The following PRRX2 variants were observed in gnomAD, a reference collection of about 807,000 sequenced individuals.
PRRX2 encodes paired related homeobox 2, also known as paired mesoderm homeobox protein 2.
Under a neutral mutation model 18.0 loss-of-function variants are expected in PRRX2, and 11 were observed. The observed-to-expected ratio is 0.61, with a 90% confidence interval of 0.39 to 1.01. The LOEUF (loss-of-function observed/expected upper bound fraction) is 1.01. Ranked by LOEUF, PRRX2 falls within the 50% of genes least tolerant of loss-of-function variation. PRRX2 has a pLI of 0.01. For synonymous variants in PRRX2, 177 were observed against 154.8 expected (o/e 1.14, Z -1.06); for missense variants, 387 against 351.0 (o/e 1.10, Z -0.82).
intron 1 of PRRX2, among the ~76,000 whole-genome samples, chr9:129,689,559 G>T (rs1369701993): frequency 6.6e-6 from 1 of 152,100 alleles, no homozygotes; most frequent in East Asian, 1.9e-4. Flanking sequence ...TGGCCATAGG[G>T]CTGGGCCTCA....
chr9:129,666,380 G>T (rs1003690395), intron 1 of PRRX2, among the ~76,000 whole-genome samples: 3 of 152,140 alleles, frequency 2.0e-5, no homozygotes, highest in African/African-American at 7.2e-5. Context: ...CCAGTATTCG[G>T]CTCCCGAACA....
At chr9:129,674,615 C>T (rs7858956) in intron 1 of PRRX2, among the ~76,000 whole-genome samples, 41,094 of 151,892 alleles carry the variant, frequency 0.27, 5,803 homozygotes, top group East Asian at 0.41. Flanking sequence ...GACCCCCCCG[C>T]CCCCAGAGCT....
chr9:129,683,510 C>T (rs1202826263), intron 1 of PRRX2, among the ~76,000 whole-genome samples: 5 of 152,006 alleles, frequency 3.3e-5, no homozygotes, highest in African/African-American at 9.7e-5. Flanking sequence ...CCGAGGTGGG[C>T]GGATCACGAG....
intron 1 of PRRX2, among the ~76,000 whole-genome samples, chr9:129,696,019 G>A (rs1355355758): frequency 3.3e-5 from 5 of 151,988 alleles, no homozygotes; most frequent in African/African-American, 1.2e-4. Flanking sequence ...CAAATTACTT[G>A]GAATTTGCAA....
intron 1 of PRRX2, among the ~76,000 whole-genome samples, chr9:129,693,346 C>T (rs1699859954): frequency 6.6e-6 from 1 of 152,168 alleles, no homozygotes; most frequent in African/African-American, 2.4e-5. Flanking sequence ...GTAATCTTAG[C>T]ACTTTGGGAG....
At chr9:129,696,919 A>G (rs1406178545) in intron 1 of PRRX2, among the ~76,000 whole-genome samples, 1 of 152,182 alleles carries the variant, frequency 6.6e-6, no homozygotes, top group Non-Finnish European at 1.5e-5. Flanking sequence ...CCCTGGGGCC[A>G]GAGTCCGATA....
intron 1 of PRRX2, among the ~76,000 whole-genome samples, chr9:129,702,433 ATG>A (rs1176704538): frequency 1.3e-5 from 2 of 152,056 alleles, no homozygotes; most frequent in East Asian, 3.9e-4. Context: ...ACTCTCTGTG[ATG>A]ATGAAAATGT....
chr9:129,667,768 G>A (rs940170425), intron 1 of PRRX2, among the ~76,000 whole-genome samples: 6 of 152,160 alleles, frequency 3.9e-5, no homozygotes, highest in Admixed American at 2.0e-4. Context: ...GGGTTTCCCC[G>A]GGGATCCCAG....
chr9:129,697,566 G>C (rs1487517421), intron 1 of PRRX2, among the ~76,000 whole-genome samples: 1 of 151,144 alleles, frequency 6.6e-6, no homozygotes, highest in Non-Finnish European at 1.5e-5. Context: ...GCACATGGCC[G>C]GGCTGGGCGG....
chr9:129,668,407 C>G (rs551043161), intron 1 of PRRX2, among the ~76,000 whole-genome samples: 1 of 152,140 alleles, frequency 6.6e-6, no homozygotes, highest in Non-Finnish European at 1.5e-5. Flanking sequence ...TACAGGAGCC[C>G]GGTCCCCTCA....
intron 1 of PRRX2, among the ~76,000 whole-genome samples, chr9:129,707,588 C>T (rs1349226561): frequency 1.3e-5 from 2 of 151,904 alleles, no homozygotes; most frequent in Admixed American, 1.3e-4. Context: ...GTCAGGAGTT[C>T]GAGACCAGCC....
chr9:129,712,004 A>G (rs569599896), intron 1 of PRRX2, among the ~76,000 whole-genome samples: 16 of 152,206 alleles, frequency 1.1e-4, no homozygotes, highest in African/African-American at 3.4e-4. Flanking sequence ...AAGAAATCTC[A>G]GGGGGAAACC....
In PRRX2 at chr9:129,695,121, G is replaced by C. The variant is rs1832404991; in HGVS notation, c.260-24110G>C. Among the ~76,000 whole-genome samples, 1 of 152,294 alleles carries C rather than the reference G, an allele frequency of 6.6e-6. No homozygotes were observed. The highest frequency in any genetic ancestry group is 3.4e-3 in the Middle Eastern group (1 of 294). On this transcript the variant is annotated intron_variant, in intron 1 of 3. Coordinates refer to ENST00000372469, the MANE Select transcript of PRRX2 (RefSeq NM_016307.4). The surrounding 1 kb of genome is among the most constrained non-coding windows in gnomAD (Gnocchi z 4.8). ...GAACCCCAACACCCCACAGGCAAGTGGCTGGACCTGGCCAAGGCCAGGGCC... is the reference window on the plus strand; with the variant it reads ...GAACCCCAACACCCCACAGGCAAGTCGCTGGACCTGGCCAAGGCCAGGGCC...
intron 1 of PRRX2, among the ~76,000 whole-genome samples, chr9:129,668,778 C>CAAAAAAA (rs562855941): frequency 3.4e-5 from 2 of 58,620 alleles, no homozygotes; most frequent in African/African-American, 5.7e-5. Flanking sequence ...GACTCCATCT[C>CAAAAAAA]AAAAAAAAAA....
At chr9:129,692,498 C>T (rs1459213946) in intron 1 of PRRX2, among the ~76,000 whole-genome samples, 2 of 152,274 alleles carry the variant, frequency 1.3e-5, no homozygotes, top group African/African-American at 4.8e-5. Flanking sequence ...ACGGATCCAC[C>T]ACTGCAGTAT....
Position 129,703,677 on chromosome 9 carries a change from GA to G in PRRX2, c.260-15546del, listed in dbSNP as rs904494203. Among the ~76,000 whole-genome samples, 15 of 151,868 alleles carry G rather than the reference GA, an allele frequency of 9.9e-5. No individual in the cohort carries two copies. In the South Asian group the frequency reaches 2.5e-3, roughly 25 times the overall value. Reference sequence around the variant, plus strand: ...AGTGGGTTAAATGGAAACCAAAAAAGAAAAAAAATTAAGGGTGTGGAAGAAG... The same window carrying G: ...AGTGGGTTAAATGGAAACCAAAAAAGAAAAAAATTAAGGGTGTGGAAGAAG... On this transcript the variant is annotated intron_variant, in intron 1 of 3. Transcript: ENST00000372469.
chr9:129,693,100 G>C (rs1385141390), intron 1 of PRRX2, among the ~76,000 whole-genome samples: 1 of 152,164 alleles, frequency 6.6e-6, no homozygotes, highest in Non-Finnish European at 1.5e-5. Context: ...TAATAGCCGT[G>C]TGGTGGTATC....
intron 1 of PRRX2, among the ~76,000 whole-genome samples, chr9:129,707,813 A>G (rs1832575097): frequency 1.3e-5 from 2 of 151,246 alleles, no homozygotes; most frequent in South Asian, 4.2e-4. Flanking sequence ...AAATGCTGCT[A>G]TGGACATATG....
Position 129,709,691 on chromosome 9 carries a change from G to A in PRRX2, c.260-9540G>A, listed in dbSNP as rs1267131974. ...CTGGTAGCTATAAAAATGTGTCAGCGTCACGGGTTTTTGTTCAAAATTAAT... is the reference window on the plus strand; with the variant it reads ...CTGGTAGCTATAAAAATGTGTCAGCATCACGGGTTTTTGTTCAAAATTAAT... On this transcript the variant is annotated intron_variant, in intron 1 of 3. Coordinates refer to ENST00000372469, the MANE Select transcript of PRRX2 (RefSeq NM_016307.4). This position sits in a 1 kb window ranked among gnomAD's most constrained non-coding sequence, Gnocchi z 4.2. Among the ~76,000 whole-genome samples, 1 of 152,212 alleles carries A rather than the reference G, an allele frequency of 6.6e-6. No individual in the cohort carries two copies. Among genetic ancestry groups the A allele is most frequent in the Non-Finnish European group, 1.5e-5 (1 of 68,038 alleles).
Sources: allele counts gnomAD v4.1 joint callset (sites outside exome capture counted in the v4.1 genomes callset), GRCh38; gene constraint gnomAD v4.1.1; non-coding constraint Gnocchi (gnomAD v3.1); transcripts MANE v1.5; gene names NCBI Gene and HGNC (gene_info 2026-07-23, HGNC 2026-07-21).